Variants in THSD4 observed in about 807,000 individuals in gnomAD.
THSD4 encodes thrombospondin type-1 domain-containing protein 4.
A neutral mutation model predicts 119.0 loss-of-function variants in THSD4; 69 were observed. That is an observed-to-expected ratio of 0.58 (90% CI 0.48 to 0.71). The LOEUF (loss-of-function observed/expected upper bound fraction) is 0.71, where lower values mean the gene tolerates loss of function less well. Ranked by LOEUF, THSD4 falls within the 30% of genes least tolerant of loss-of-function variation. THSD4 has a pLI of 0.00. For missense variants in THSD4, 1,393 were observed against 1,391.1 expected (o/e 1.00, Z -0.02); for synonymous variants, 524 against 540.4 (o/e 0.97, Z 0.42).
intron 7 of THSD4, among the ~76,000 whole-genome samples, chr15:71,657,645 T>A (rs1450867944): frequency 6.6e-6 from 1 of 152,212 alleles, no homozygotes; most frequent in Non-Finnish European, 1.5e-5. Flanking sequence ...AGGAAGCTAT[T>A]GATCATGGCT....
chr15:71,777,860 A>T lies in THSD4; in HGVS notation c.*486A>T, dbSNP rs2053942479. 2 of 168,564 alleles carry T rather than the reference A, an allele frequency of 1.2e-5. No individual in the cohort carries two copies. Among genetic ancestry groups the T allele is most frequent in the South Asian group, 3.1e-4 (2 of 6,370 alleles). The allele number at this position is 168,564 out of a possible 1,614,324, so 10.4% of individuals were successfully genotyped here. ...GCATCCCTCTGTGACCTCAGCCCAG[A>T]TGTGCCTGTTTTCATTCTCAAAGAC... On this transcript the variant is annotated 3_prime_UTR_variant, in exon 18 of 18. Coordinates refer to ENST00000261862, the MANE Select transcript of THSD4 (RefSeq NM_024817.3).
At chr15:71,193,912 C>T (rs570335892) in intron 3 of THSD4, among the ~76,000 whole-genome samples, 71 of 152,262 alleles carry the variant, frequency 4.7e-4, no homozygotes, top group African/African-American at 1.6e-3. Flanking sequence ...GGGGTTTCAC[C>T]GTGTTAGCCA....
At chr15:71,137,670 A>G (rs952220708) in intron 1 of THSD4, among the ~76,000 whole-genome samples, 2 of 152,180 alleles carry the variant, frequency 1.3e-5, no homozygotes, top group East Asian at 1.9e-4. Flanking sequence ...AAGCTCAAGT[A>G]ACAGCCAAGA....
In THSD4 at chr15:71,585,154, A is replaced by G. The variant is rs952891937; in HGVS notation, c.1153-75376A>G. Among the ~76,000 whole-genome samples the G allele has an allele frequency of 2.0e-5, 3 of 152,178 alleles. No homozygotes were observed. The East Asian group carries it at 5.8e-4, about 29-fold the overall frequency. On this transcript the variant is annotated intron_variant, in intron 7 of 17. Transcript: ENST00000261862. ...CAATATTGGGTTATTCTGATTTTTG[A>G]CTATATTCTTACCATTGTTAGTGAG...
intron 3 of THSD4, among the ~76,000 whole-genome samples, chr15:71,211,159 G>T (rs1287483508): frequency 6.6e-6 from 1 of 152,046 alleles, no homozygotes; most frequent in Non-Finnish European, 1.5e-5. Context: ...GCAGTCTAAT[G>T]GGTTTTAAAT....
At chr15:71,766,196 T>C (rs1373260135) in intron 16 of THSD4, among the ~76,000 whole-genome samples, 1 of 152,084 alleles carries the variant, frequency 6.6e-6, no homozygotes, top group Non-Finnish European at 1.5e-5. Context: ...TAAGATTCAT[T>C]TTTTTCAAGT....
Position 71,419,644 on chromosome 15 carries a change from G to A in THSD4, c.1152+7821G>A, listed in dbSNP as rs925180317. The stretch of plus-strand genomic sequence containing the variant: ...AACATCCCTCTTAGTACTGCTTTCA[G>A]TGTATCCCATAGATTTTGGTATGCT... On this transcript the variant is annotated intron_variant, in intron 7 of 17. Coordinates refer to ENST00000261862, the MANE Select transcript of THSD4 (RefSeq NM_024817.3). Among the ~76,000 whole-genome samples, 89 of 108,152 alleles carry A rather than the reference G, an allele frequency of 8.2e-4. 25 individuals carry two copies. Among genetic ancestry groups the A allele is most frequent in the African/African-American group, 2.7e-3 (87 of 31,828 alleles). 71.0% of individuals were successfully genotyped at this position (108,152 alleles called of 152,430 possible).
chr15:71,534,253 G>C (rs1015234807), intron 7 of THSD4, among the ~76,000 whole-genome samples: 7 of 152,180 alleles, frequency 4.6e-5, no homozygotes, highest in African/African-American at 1.7e-4. Context: ...CCTGGCCAAA[G>C]CCCAACTCTT....
chr15:71,327,889 T>G (rs1456666593), intron 6 of THSD4, among the ~76,000 whole-genome samples: 1 of 152,240 alleles, frequency 6.6e-6, no homozygotes, highest in Non-Finnish European at 1.5e-5. Context: ...TGATACCATT[T>G]GAGCCTCAGA....
At chr15:71,602,128 A>G (rs1174090182) in intron 7 of THSD4, among the ~76,000 whole-genome samples, 1 of 152,118 alleles carries the variant, frequency 6.6e-6, no homozygotes, top group Non-Finnish European at 1.5e-5. Flanking sequence ...GAGGACAGTA[A>G]TAAAGAACAG....
chr15:71,199,277 G>A (rs1397549193), intron 3 of THSD4, among the ~76,000 whole-genome samples: 3 of 152,006 alleles, frequency 2.0e-5, no homozygotes, highest in African/African-American at 7.3e-5. Flanking sequence ...TTTCAATTGC[G>A]ATGGCCATGC....
intron 4 of THSD4, among the ~76,000 whole-genome samples, chr15:71,216,477 C>T (rs1037531545): frequency 2.0e-5 from 3 of 152,220 alleles, no homozygotes; most frequent in African/African-American, 7.2e-5. Flanking sequence ...ACACATCCAG[C>T]CTCCCCAGCC....
chr15:71,453,130 C>T (rs1448250599), intron 7 of THSD4, among the ~76,000 whole-genome samples: 2 of 152,202 alleles, frequency 1.3e-5, no homozygotes, highest in Admixed American at 6.5e-5. Context: ...CTGGGACTTC[C>T]AGCCTCTAGG....
chr15:71,722,978 C>G (rs2052750887), intron 8 of THSD4, among the ~76,000 whole-genome samples: 1 of 152,054 alleles, frequency 6.6e-6, no homozygotes, highest in African/African-American at 2.4e-5. Context: ...ACCGACCTAG[C>G]TCATTCTTTT....
chr15:71,379,753 C>G (rs943376258), intron 6 of THSD4, among the ~76,000 whole-genome samples: 1 of 151,902 alleles, frequency 6.6e-6, no homozygotes. Context: ...CCACCGCGCC[C>G]GGCCACAAAT....
chr15:71,688,539 C>A (rs143672075), intron 8 of THSD4, among the ~76,000 whole-genome samples: 20 of 152,196 alleles, frequency 1.3e-4, no homozygotes, highest in Non-Finnish European at 2.8e-4. Flanking sequence ...TCAGTTCCAG[C>A]CTAGATGAGA....
intron 7 of THSD4, among the ~76,000 whole-genome samples, chr15:71,632,319 G>C (rs1157973223): frequency 6.6e-6 from 1 of 152,172 alleles, no homozygotes; most frequent in Non-Finnish European, 1.5e-5. Flanking sequence ...AAGGAGGGAT[G>C]ATTCCGTGTC....
chr15:71,127,632 C>T (rs748798244), intron 1 of THSD4, among the ~76,000 whole-genome samples: 29 of 152,128 alleles, frequency 1.9e-4, no homozygotes, highest in Non-Finnish European at 3.2e-4. Flanking sequence ...TGATATCTCA[C>T]TGTGGTTTTA....
chr15:71,591,358 T>C (rs994218713), intron 7 of THSD4, among the ~76,000 whole-genome samples: 3 of 152,356 alleles, frequency 2.0e-5, no homozygotes, highest in South Asian at 4.1e-4. Flanking sequence ...TGTCATTCTT[T>C]ACATCTCCTT....
Sources: allele counts gnomAD v4.1 joint callset (sites outside exome capture counted in the v4.1 genomes callset), GRCh38; gene constraint gnomAD v4.1.1; transcripts MANE v1.5; gene names NCBI Gene and HGNC (gene_info 2026-07-23, HGNC 2026-07-21).